AHCTF1: variants seen among roughly 807,000 people sequenced by gnomAD.
AHCTF1 encodes the protein AT-hook containing transcription factor 1, also known as protein ELYS.
AHCTF1 carries 24 observed loss-of-function variants against 248.4 expected under a neutral mutation model. The observed-to-expected ratio is 0.10, with a 90% CI of 0.07 to 0.14. The LOEUF is 0.14. Ranked by LOEUF, AHCTF1 falls within the 10% of genes least tolerant of loss-of-function variation. The probability of loss-of-function intolerance (pLI) is 1.00; values close to 1 mark genes in which losing one functional copy is unlikely to be tolerated. For missense variants in AHCTF1, 2,206 were observed against 2,636.2 expected (o/e 0.84, Z 3.57); for synonymous variants, 786 against 929.8 (o/e 0.85, Z 2.81).
At chr1:246,862,404 C>T (rs1321542002) in intron 27 of AHCTF1, among the ~76,000 whole-genome samples, 2 of 151,428 alleles carry the variant, frequency 1.3e-5, no homozygotes, top group East Asian at 1.9e-4. Context: ...GGCATGAACC[C>T]GGGAGGTGGA....
chr1:246,839,550 C>T lies in AHCTF1; in HGVS notation c.*1256G>A, dbSNP rs1659696823. ...ACTAACCTGACTAAAAGGCCGCACT[C>T]GCACTGCTTTCACACTGTCAACACT... On this transcript the variant is annotated 3_prime_UTR_variant, in exon 36 of 36. Transcript: ENST00000648844. 6 of 985,890 alleles carry T rather than the reference C, an allele frequency of 6.1e-6. No individual in the cohort carries two copies. Among genetic ancestry groups the T allele is most frequent in the South Asian group, 4.7e-5 (1 of 21,288 alleles). The allele number at this position is 985,890 out of a possible 1,614,324, so 61.1% of individuals were successfully genotyped here. A position where few individuals can be genotyped will look rare whatever the true frequency, so the allele number is the denominator to read the frequency against.
chr1:246,913,835 A>C (rs941933422), intron 3 of AHCTF1, among the ~76,000 whole-genome samples: 2 of 152,246 alleles, frequency 1.3e-5, no homozygotes, highest in African/African-American at 4.8e-5. Flanking sequence ...TCTCATTTTA[A>C]AGCTCTTAAA....
chr1:246,859,358 T>C (rs1661350476), intron 29 of AHCTF1, among the ~76,000 whole-genome samples: 2 of 152,132 alleles, frequency 1.3e-5, no homozygotes, highest in African/African-American at 2.4e-5. Flanking sequence ...AGGTGAAGTC[T>C]CTCCCATTTA....
chr1:246,890,677 T>C (rs998024422), intron 16 of AHCTF1, among the ~76,000 whole-genome samples: 3 of 152,144 alleles, frequency 2.0e-5, no homozygotes, highest in African/African-American at 7.2e-5. Context: ...TAGCTAGTAA[T>C]ATTGCTGAAC....
At chr1:246,903,659 C>A (rs797009254) in intron 7 of AHCTF1, among the ~76,000 whole-genome samples, 13 of 116,732 alleles carry the variant, frequency 1.1e-4, no homozygotes, top group East Asian at 5.4e-4. Flanking sequence ...GAGACCCCCC[C>A]CCCTCCGTCT....
chr1:246,880,341 G>A (rs1014322018), intron 21 of AHCTF1, among the ~76,000 whole-genome samples: 1 of 151,892 alleles, frequency 6.6e-6, no homozygotes, highest in South Asian at 2.1e-4. Flanking sequence ...GAGGCGGGCA[G>A]ATCACGAGGT....
chr1:246,869,347 T>C (rs1200792382), intron 24 of AHCTF1, among the ~76,000 whole-genome samples: 3 of 152,160 alleles, frequency 2.0e-5, no homozygotes, highest in South Asian at 2.1e-4. Flanking sequence ...ACCTCAAGTG[T>C]TCATGTGAAA....
intron 15 of AHCTF1, 63 bp from the exon 16 acceptor site, chr1:246,891,123 C>A: frequency 1.0e-6 from 1 of 957,178 alleles, no homozygotes; most frequent in Non-Finnish European, 1.5e-6. Context: ...CCACAGTTTT[C>A]AAAATTAATC....
At chr1:246,867,187 A>G in intron 26 of AHCTF1, 57 bp downstream of exon 26, 1 of 883,030 alleles carries the variant, frequency 1.1e-6, no homozygotes, top group Non-Finnish European at 1.7e-6. Flanking sequence ...ATTAAAAATT[A>G]CAATTGTAAC....
At position 246,867,772 on chromosome 1, in the gene AHCTF1, A is replaced by G. The variant is rs757439221; in HGVS notation, c.3128T>C (p.Val1043Ala). 2.5e-6 allele frequency: 4 copies of G among 1,612,748 alleles called. No individual in the cohort carries two copies. The Admixed American group carries it at 5.0e-5, about 20-fold the overall frequency. The change falls in exon 25 of 36, where the codon GTT (valine) becomes GCT (alanine). Residue 1043 changes from valine (V) to alanine (A), a missense_variant. Val to Ala is a moderately conservative substitution (Grantham distance 64). Around this residue, in one of 6 missense-constraint regions of AHCTF1, gnomAD observed 955 missense variants for 1,055.6 expected, o/e 0.90. Transcript: ENST00000648844. ...PKPLSAVPKQ[V>A]VTGTVLTRSV... ...TCTTGTCAACACAGTTCCTGTTACAACTTGCTTTGGAACTGCTGATAATGG... is the reference window on the plus strand; with the variant it reads ...TCTTGTCAACACAGTTCCTGTTACAGCTTGCTTTGGAACTGCTGATAATGG...
intron 27 of AHCTF1, among the ~76,000 whole-genome samples, 196 bp downstream of exon 27, chr1:246,863,728 A>T (rs1661743726): frequency 6.6e-6 from 1 of 152,186 alleles, no homozygotes; most frequent in Admixed American, 6.5e-5. Flanking sequence ...TTAAGAAAAT[A>T]ATGTTAACTT....
chr1:246,907,825 C>A, intron 4 of AHCTF1, 67 bp from the exon 5 acceptor site: 1 of 1,333,710 alleles, frequency 7.5e-7, no homozygotes, highest in South Asian at 1.3e-5. Context: ...AATATGTCAT[C>A]CATTATTCAA....
chr1:246,920,498 G>A (rs185736704), intron 1 of AHCTF1, among the ~76,000 whole-genome samples: 16 of 152,296 alleles, frequency 1.1e-4, no homozygotes, highest in Non-Finnish European at 1.5e-4. Context: ...CCAGCCGGGC[G>A]TGGTGGCTCA....
chr1:246,880,905 C>A (rs1178358382), intron 21 of AHCTF1, among the ~76,000 whole-genome samples: 5 of 152,124 alleles, frequency 3.3e-5, no homozygotes, highest in African/African-American at 1.2e-4. Context: ...AAAGGCTAGG[C>A]TAGCATGTTG....
intron 1 of AHCTF1, among the ~76,000 whole-genome samples, chr1:246,927,935 G>C (rs1291864144): frequency 2.6e-5 from 4 of 152,084 alleles, no homozygotes; most frequent in Non-Finnish European, 4.4e-5. Context: ...GGGAGGCAGA[G>C]GTTGCAATAA....
At chr1:246,854,298 CAAA>C (rs56086758) in intron 31 of AHCTF1, among the ~76,000 whole-genome samples, 10 of 113,484 alleles carry the variant, frequency 8.8e-5, no homozygotes, top group Admixed American at 1.8e-4. Flanking sequence ...GACTCTGTTT[CAAA>C]AAAAAAAAAA....
chr1:246,894,406 A>C (rs2103149593), intron 14 of AHCTF1, among the ~76,000 whole-genome samples: 1 of 152,268 alleles, frequency 6.6e-6, no homozygotes, highest in Non-Finnish European at 1.5e-5. Context: ...CCCCGTCTCT[A>C]CTAAAAAATA....
rs12024417 is a variant in AHCTF1 at position 246,919,601 on chromosome 1, T to C, written c.-7-1224A>G. Among the ~76,000 whole-genome samples, 157 of 151,516 alleles carry C rather than the reference T, an allele frequency of 1.0e-3. 3 individuals are homozygous for C. The East Asian group carries it at 0.026, about 25-fold the overall frequency. ...GGTGGCACACACCTGTAGTCTCACC[T>C]ACTCGGGAGGCTGAAGCAGGAGAAT... On this transcript the variant is annotated intron_variant, in intron 1 of 35. Transcript: ENST00000648844.
At chr1:246,855,997 A>G (rs1343550164) in intron 30 of AHCTF1, among the ~76,000 whole-genome samples, 170 bp from the exon 31 acceptor site, 3 of 152,262 alleles carry the variant, frequency 2.0e-5, no homozygotes, top group Non-Finnish European at 2.9e-5. Context: ...AAGTGAATTC[A>G]GAAACAATGC....
Sources: allele counts gnomAD v4.1 joint callset (sites outside exome capture counted in the v4.1 genomes callset), GRCh38; gene constraint gnomAD v4.1.1; regional missense constraint gnomAD v4.1.1; transcripts MANE v1.5; gene names NCBI Gene and HGNC (gene_info 2026-07-23, HGNC 2026-07-21).